The following SORCS3 variants were observed in gnomAD, a reference collection of about 807,000 sequenced individuals.
SORCS3 encodes the protein sortilin related VPS10 domain containing receptor 3.
SORCS3 carries 57 observed loss-of-function variants against 146.3 expected under a neutral mutation model. The ratio of observed to expected loss-of-function variants is 0.39; its 90% CI spans 0.31 to 0.49. The LOEUF is 0.49. Ranked by LOEUF, SORCS3 falls within the 20% of genes least tolerant of loss-of-function variation. SORCS3 has a pLI of 0.92. For synonymous variants in SORCS3, 653 were observed against 618.5 expected, an observed-to-expected ratio of 1.06 and a Z score of -0.83; for missense variants, 1,341 against 1,575.5, an observed-to-expected ratio of 0.85 and a Z score of 2.52.
rs542690213 is a variant in SORCS3, at chr10:104,976,450, T to G, written c.796-885T>G. 1.6e-3 allele frequency among the ~76,000 whole-genome samples: 244 copies of G among 152,264 alleles called. 1 individual carries two copies. The highest frequency in any genetic ancestry group is 5.2e-3 in the African/African-American group (217 of 41,542). On this transcript the variant is annotated intron_variant, in intron 3 of 26. Transcript: ENST00000369701. ...GGATGTGGAGAAATAGGAACACTTTTACACTGTTGGGGGGACTGTAAACTA... is the reference window on the plus strand; with the variant it reads ...GGATGTGGAGAAATAGGAACACTTTGACACTGTTGGGGGGACTGTAAACTA...
At chr10:104,940,641 C>G (rs1429063940) in intron 3 of SORCS3, among the ~76,000 whole-genome samples, 1 of 152,050 alleles carries the variant, frequency 6.6e-6, no homozygotes, top group Non-Finnish European at 1.5e-5. Flanking sequence ...TCCACTCTAT[C>G]ATTGATGGAC....
chr10:104,692,271 CCTGCAGCAGCAGAGGAAAGAAACTGA>C (rs2016122570), intron 1 of SORCS3, among the ~76,000 whole-genome samples: 1 of 152,096 alleles, frequency 6.6e-6, no homozygotes, highest in South Asian at 2.1e-4. Context: ...GAGATCTGTG[CCTGCAGCAGCAGAGGAAAGAAACTGA>C]CTGTCAGCCT....
chr10:104,866,786 C>T (rs2018463262), intron 2 of SORCS3, among the ~76,000 whole-genome samples: 1 of 152,144 alleles, frequency 6.6e-6, no homozygotes, highest in Non-Finnish European at 1.5e-5. Flanking sequence ...TCACTTTTTA[C>T]TAACTCAGGT....
chr10:104,646,163 C>T (rs1179794568), intron 1 of SORCS3, among the ~76,000 whole-genome samples: 1 of 152,136 alleles, frequency 6.6e-6, no homozygotes. Flanking sequence ...TGGGCACAGC[C>T]TATTTATCTG....
At chr10:104,679,371 G>A (rs892616081) in intron 1 of SORCS3, among the ~76,000 whole-genome samples, 20 of 152,284 alleles carry the variant, frequency 1.3e-4, no homozygotes, top group African/African-American at 4.3e-4. Context: ...GGACCCACCA[G>A]TTACTATGAA....
chr10:104,933,229 C>T (rs2019225468), intron 3 of SORCS3, among the ~76,000 whole-genome samples: 1 of 151,966 alleles, frequency 6.6e-6, no homozygotes, highest in South Asian at 2.1e-4. Flanking sequence ...TTCTTTGGTT[C>T]AGTGACATCT....
At chr10:105,058,406 G>A (rs1216150698) in intron 5 of SORCS3, among the ~76,000 whole-genome samples, 3 of 152,196 alleles carry the variant, frequency 2.0e-5, no homozygotes, top group Non-Finnish European at 4.4e-5. Flanking sequence ...GAGTGTCATG[G>A]AAGGATGTGA....
intron 4 of SORCS3, among the ~76,000 whole-genome samples, chr10:105,039,624 T>G (rs893550681): frequency 6.6e-6 from 1 of 151,848 alleles, no homozygotes; most frequent in African/African-American, 2.4e-5. Context: ...GCCCAGCTAA[T>G]TTTTGTATTT....
intron 4 of SORCS3, among the ~76,000 whole-genome samples, chr10:104,986,135 T>A (rs2054960972): frequency 6.6e-6 from 1 of 152,232 alleles, no homozygotes; most frequent in Non-Finnish European, 1.5e-5. Flanking sequence ...TCTTGTTTTG[T>A]GTATCCGCCA....
chr10:105,070,630 C>T (rs1020143942), intron 5 of SORCS3, among the ~76,000 whole-genome samples: 3 of 152,196 alleles, frequency 2.0e-5, no homozygotes, highest in African/African-American at 7.2e-5. Context: ...ATTTTCTCTA[C>T]AAATCACAGG....
chr10:104,829,802 C>T (rs369731225), intron 1 of SORCS3, among the ~76,000 whole-genome samples: 5 of 152,136 alleles, frequency 3.3e-5, no homozygotes, highest in South Asian at 2.1e-4. Context: ...TTTCCTCACT[C>T]GGTTTCCAGA....
intron 1 of SORCS3, among the ~76,000 whole-genome samples, chr10:104,698,481 A>C (rs1161003558): frequency 3.3e-5 from 5 of 152,148 alleles, no homozygotes; most frequent in Admixed American, 3.3e-4. Flanking sequence ...TTTGATACTC[A>C]ACAGCCCCTC....
chr10:105,257,770 G>A (rs980701859), intron 25 of SORCS3, among the ~76,000 whole-genome samples: 1 of 152,098 alleles, frequency 6.6e-6, no homozygotes, highest in African/African-American at 2.4e-5. Context: ...GTGTGTGTAG[G>A]TGCTACGAAC....
chr10:105,081,915 G>A (rs1332306081), intron 5 of SORCS3, among the ~76,000 whole-genome samples: 1 of 152,166 alleles, frequency 6.6e-6, no homozygotes, highest in Non-Finnish European at 1.5e-5. Context: ...GACACAGGCA[G>A]GAAAGTGAGA....
intron 2 of SORCS3, among the ~76,000 whole-genome samples, chr10:104,888,212 T>C (rs1349702501): frequency 6.6e-6 from 1 of 152,230 alleles, no homozygotes; most frequent in African/African-American, 2.4e-5. Context: ...TTTTAAACGA[T>C]TTTACTCTTT....
At chr10:105,141,126 A>G (rs1376586518) in intron 8 of SORCS3, among the ~76,000 whole-genome samples, 1 of 152,166 alleles carries the variant, frequency 6.6e-6, no homozygotes, top group Non-Finnish European at 1.5e-5. Flanking sequence ...CCTTCTCAGG[A>G]AAACCAACCA....
At chr10:104,783,238 C>T (rs2017394882) in intron 1 of SORCS3, among the ~76,000 whole-genome samples, 1 of 152,132 alleles carries the variant, frequency 6.6e-6, no homozygotes, top group Non-Finnish European at 1.5e-5. Flanking sequence ...ACTTCCTCTC[C>T]TGTATTACTC....
chr10:104,690,139 TG>T (rs2016094898), intron 1 of SORCS3, among the ~76,000 whole-genome samples: 1 of 152,216 alleles, frequency 6.6e-6, no homozygotes. Context: ...CTTTATCCCT[TG>T]CCTGTAGCTG....
chr10:105,132,967 A>C (rs2056032266), intron 7 of SORCS3, among the ~76,000 whole-genome samples: 1 of 152,226 alleles, frequency 6.6e-6, no homozygotes, highest in South Asian at 2.1e-4. Flanking sequence ...AAAACAGATT[A>C]ATAGTCACTA....
Sources: allele counts gnomAD v4.1 joint callset (sites outside exome capture counted in the v4.1 genomes callset), GRCh38; gene constraint gnomAD v4.1.1; transcripts MANE v1.5; gene names NCBI Gene and HGNC (gene_info 2026-07-23, HGNC 2026-07-21).